DHRS2: variants seen among roughly 807,000 people sequenced by gnomAD.
The protein encoded by DHRS2 is dehydrogenase/reductase 2, also known as dehydrogenase/reductase SDR family member 2, mitochondrial.
DHRS2 carries 29 observed loss-of-function variants against 26.3 expected under a neutral mutation model. The observed-to-expected ratio is 1.10, with a 90% confidence interval of 0.82 to 1.50. The LOEUF (loss-of-function observed/expected upper bound fraction) is 1.50. DHRS2 is among the 40% of genes most tolerant of loss of function. The pLI is 0.00. For missense variants in DHRS2, 439 were observed against 367.1 expected (o/e 1.20, Z -1.60); for synonymous variants, 164 against 151.3 (o/e 1.08, Z -0.62).
intron 4 of DHRS2, chr14:23,640,275 G>C: frequency 1.0e-6 from 1 of 987,992 alleles, no homozygotes; most frequent in Non-Finnish European, 1.2e-6. Flanking sequence ...CCTTTTGTAG[G>C]GGAAGATACG....
upstream of DHRS2, among the ~76,000 whole-genome samples, chr14:23,631,384 A>T (rs911152060): frequency 1.3e-5 from 2 of 151,990 alleles, no homozygotes; most frequent in Non-Finnish European, 2.9e-5. Flanking sequence ...TGGTTTTTTA[A>T]GTTGACTTTG....
In DHRS2 at chr14:23,639,430, G is replaced by A. The variant is rs539243409; in HGVS notation, c.318+74G>A. 17 of 1,471,076 alleles carry A rather than the reference G, an allele frequency of 1.2e-5. No homozygotes were observed. In the African/African-American group the frequency reaches 2.0e-4, roughly 17 times the overall value. The allele number at this position is 1,471,076 out of a possible 1,614,324, so 91.1% of individuals were successfully genotyped here. On this transcript the variant is annotated intron_variant, in intron 3 of 8. Coordinates refer to ENST00000250383, the MANE Select transcript of DHRS2 (RefSeq NM_005794.4). Reference sequence around the variant, plus strand: ...CTTTCCTTCACTGCTTGGCCCTTGTGGGGTGGGTCTAGAATATGTCCTGAG... The same window carrying A: ...CTTTCCTTCACTGCTTGGCCCTTGTAGGGTGGGTCTAGAATATGTCCTGAG...
At chr14:23,637,731 G>A (rs561388077) in intron 1 of DHRS2, among the ~76,000 whole-genome samples, 30 of 152,188 alleles carry the variant, frequency 2.0e-4, no homozygotes, top group Non-Finnish European at 3.5e-4. Context: ...AGCTAATCAG[G>A]TGGGGACTTG....
intron 5 of DHRS2, 45 bp downstream of exon 5, chr14:23,643,264 A>G: frequency 6.3e-7 from 1 of 1,576,848 alleles, no homozygotes; most frequent in Non-Finnish European, 8.7e-7. Context: ...TGGGGACCTG[A>G]GGTGGGCACA....
rs766917978 is a variant in DHRS2, at chr14:23,644,555, G to A, written c.675+12G>A. The A allele has an allele frequency of 6.2e-7, 1 of 1,614,214 alleles. No individual in the cohort carries two copies. The highest frequency in any genetic ancestry group is 8.5e-7 in the Non-Finnish European group (1 of 1,180,046). On this transcript the variant is annotated intron_variant, in intron 7 of 8. Transcript: ENST00000250383. ...ACTTCAGCAAAGTGGTGAGGATTGG[G>A]TGTGTCTTCCATCTCCCAGTCTGGC...
intron 7 of DHRS2, 129 bp from the exon 8 acceptor site, chr14:23,644,698 A>C (rs1469537896): frequency 6.7e-7 from 1 of 1,484,282 alleles, no homozygotes; most frequent in East Asian, 2.3e-5. Flanking sequence ...CAGTCCATCC[A>C]TCCTGAAAAG....
At chr14:23,635,268 G>A (rs1890241997), upstream of DHRS2, among the ~76,000 whole-genome samples, 1 of 152,102 alleles carries the variant, frequency 6.6e-6, no homozygotes. Context: ...TGCCCAGGCT[G>A]GTCTCAAACT....
chr14:23,643,896 C>A, intron 5 of DHRS2: 2 of 585,958 alleles, frequency 3.4e-6, no homozygotes, highest in Non-Finnish European at 6.1e-6. Flanking sequence ...GCATGGACAT[C>A]GTATTTATGA....
At chr14:23,638,602 G>A (rs907525301) in intron 1 of DHRS2, 3 of 432,770 alleles carry the variant, frequency 6.9e-6, no homozygotes, top group Non-Finnish European at 1.3e-5. Context: ...TGAATGTTGA[G>A]TCTCACATTT....
chr14:23,631,020 T>C (rs1042077747), intron 1 of DHRS2, among the ~76,000 whole-genome samples: 3 of 152,132 alleles, frequency 2.0e-5, no homozygotes, highest in Non-Finnish European at 1.5e-5. Context: ...TCCTAAAAGG[T>C]GCCAGACTCT....
chr14:23,634,850 G>A (rs988428926), upstream of DHRS2, among the ~76,000 whole-genome samples: 1 of 152,094 alleles, frequency 6.6e-6, no homozygotes, highest in Non-Finnish European at 1.5e-5. Flanking sequence ...GATAGTGAGT[G>A]AGTTCTCATG....
At chr14:23,632,619 A>G (rs573132887), upstream of DHRS2, among the ~76,000 whole-genome samples, 18 of 152,314 alleles carry the variant, frequency 1.2e-4, no homozygotes, top group South Asian at 3.5e-3. Flanking sequence ...ATTCACTTAT[A>G]ATTTATAGAT....
chr14:23,643,077 C>G, intron 4 of DHRS2, 75 bp from the exon 5 acceptor site: 1 of 1,480,968 alleles, frequency 6.8e-7, no homozygotes, highest in Non-Finnish European at 9.4e-7. Context: ...TTACAGGGCT[C>G]CAAGTGTCTT....
At chr14:23,641,545 T>C in intron 4 of DHRS2, 1 of 1,230,594 alleles carries the variant, frequency 8.1e-7, no homozygotes. Flanking sequence ...GGGTCTTACC[T>C]CAGCCCCTCA....
rs1225654170 is a variant in DHRS2, at chr14:23,645,156, A to G, written c.746A>G (p.Glu249Gly). The G allele has an allele frequency of 8.1e-6, 13 of 1,613,970 alleles. No homozygotes were observed. In the East Asian group the frequency reaches 2.7e-4, roughly 33 times the overall value. ...CTTCCATCCAGGATTGGGGAGTCAG[A>G]GGACTGTGCAGGAATCGTGTCCTTC... ...HHQLQRIGES[E>G]DCAGIVSFLC... The change falls in exon 9 of 9, where the codon GAG becomes GGG. Residue 249 changes from glutamate to glycine, a missense_variant. Coordinates refer to ENST00000250383, the MANE Select transcript of DHRS2 (RefSeq NM_005794.4).
At chr14:23,639,417 G>A in intron 3 of DHRS2, 61 bp downstream of exon 3, 2 of 1,493,734 alleles carry the variant, frequency 1.3e-6, no homozygotes, top group African/African-American at 1.4e-5. Context: ...TTCCTTCACT[G>A]CTTGGCCCTT....
At chr14:23,637,183 T>A (rs55945367) in intron 1 of DHRS2, among the ~76,000 whole-genome samples, 14,431 of 152,154 alleles carry the variant, frequency 0.095, 2,388 homozygotes, top group African/African-American at 0.33. Flanking sequence ...AGACAAACTT[T>A]CTCTCTCCTC....
upstream of DHRS2, among the ~76,000 whole-genome samples, chr14:23,635,358 T>G (rs142470266): frequency 3.1e-3 from 471 of 152,312 alleles, 2 homozygotes; most frequent in African/African-American, 0.011. Flanking sequence ...CTGGCCTCAG[T>G]TAGTTCTTTA....
chr14:23,630,944 TA>T (rs113482438), intron 1 of DHRS2, among the ~76,000 whole-genome samples: 7,158 of 152,248 alleles, frequency 0.047, 604 homozygotes, highest in African/African-American at 0.16. Context: ...AGGTTCTTGT[TA>T]ACGTAGATGA....
Sources: gnomAD v4.1 joint callset for allele counts (sites outside exome capture counted in the v4.1 genomes callset) on GRCh38, gnomAD v4.1.1 for gene constraint, MANE v1.5 for transcripts, NCBI Gene and HGNC (gene_info 2026-07-23, HGNC 2026-07-21) for gene names.